NIPSNAP2: variants seen among roughly 807,000 people sequenced by gnomAD.
NIPSNAP2 encodes the protein protein NipSnap homolog 2.
In NIPSNAP2, 42 loss-of-function variants were observed where a neutral mutation model predicts 48.4. The ratio of observed to expected loss-of-function variants is 0.87; its 90% CI spans 0.68 to 1.12. NIPSNAP2 has a LOEUF of 1.12. Among genes scored for constraint, NIPSNAP2 ranks in the 50% most tolerant of loss-of-function variants. The pLI is 0.00. For missense variants in NIPSNAP2, 314 were observed against 347.3 expected, an observed-to-expected ratio of 0.90 and a Z score of 0.76; for synonymous variants, 158 against 126.6, an observed-to-expected ratio of 1.25 and a Z score of -1.67.
intron 7 of NIPSNAP2, among the ~76,000 whole-genome samples, chr7:55,990,988 G>C (rs575578545): frequency 1.3e-3 from 191 of 151,896 alleles, no homozygotes; most frequent in African/African-American, 4.5e-3. Context: ...ACAGAGTTTC[G>C]CCATGTTGGC....
chr7:55,992,271 C>T (rs778878930), intron 7 of NIPSNAP2, among the ~76,000 whole-genome samples: 14 of 151,932 alleles, frequency 9.2e-5, no homozygotes, highest in Non-Finnish European at 1.9e-4. Context: ...CCCAGGAGTT[C>T]GAGACCAGCC....
intron 1 of NIPSNAP2, among the ~76,000 whole-genome samples, chr7:55,968,865 A>AAACTACAACATTTAGCAGGGT (rs1326108021): frequency 2.6e-5 from 4 of 152,046 alleles, no homozygotes; most frequent in Admixed American, 1.3e-4. Context: ...GTCTCTACTA[A>AAACTACAACATTTAGCAGGGT]AACTACAACA....
intron 7 of NIPSNAP2, among the ~76,000 whole-genome samples, chr7:55,986,520 C>T (rs1003734110): frequency 2.0e-5 from 3 of 151,470 alleles, no homozygotes; most frequent in African/African-American, 4.9e-5. Context: ...AAATTAGCCA[C>T]GTATGGCGGT....
At chr7:55,969,724 C>A (rs934935631) in intron 1 of NIPSNAP2, among the ~76,000 whole-genome samples, 1 of 152,152 alleles carries the variant, frequency 6.6e-6, no homozygotes, top group Non-Finnish European at 1.5e-5. Context: ...TGGCTCACGC[C>A]TGTAATCCCA....
intron 7 of NIPSNAP2, among the ~76,000 whole-genome samples, chr7:55,992,268 G>A (rs1230258652): frequency 1.3e-5 from 2 of 152,088 alleles, no homozygotes; most frequent in Non-Finnish European, 2.9e-5. Context: ...GAGCCCAGGA[G>A]TTCGAGACCA....
chr7:55,992,440 A>T (rs1787473416), intron 7 of NIPSNAP2, among the ~76,000 whole-genome samples: 2 of 152,174 alleles, frequency 1.3e-5, no homozygotes, highest in South Asian at 4.1e-4. Context: ...CAGTCAGCTA[A>T]GATCATGCCA....
intron 3 of NIPSNAP2, chr7:55,979,927 C>G (rs1289345884): frequency 4.5e-6 from 2 of 446,438 alleles, no homozygotes; most frequent in Non-Finnish European, 9.0e-6. Context: ...GGGTCCCCAG[C>G]AAAGAGGAGT....
At chr7:55,972,345 C>G (rs1434611055) in intron 1 of NIPSNAP2, among the ~76,000 whole-genome samples, 2 of 151,486 alleles carry the variant, frequency 1.3e-5, no homozygotes, top group East Asian at 3.9e-4. Flanking sequence ...TACATAGTCC[C>G]ATAAACAAAT....
In NIPSNAP2 at chr7:55,984,932, G is replaced by C; in HGVS notation, c.617+54G>C. The C allele has an allele frequency of 2.8e-6, 4 of 1,415,366 alleles. 1 individual carries two copies. The Admixed American group carries it at 5.7e-5, about 20-fold the overall frequency. The allele number at this position is 1,415,366 out of a possible 1,614,324, so 87.7% of individuals were successfully genotyped here. A position where few individuals can be genotyped will look rare whatever the true frequency, so the allele number is the denominator to read the frequency against. ...TAAGTCTTGTGAATAGATTAGTTTA[G>C]GCCATAGTGTTAATTCTAGGGAAAA... On this transcript the variant is annotated intron_variant, in intron 7 of 9. Transcript: ENST00000322090.
chr7:55,994,797 A>G (rs1207839778), intron 7 of NIPSNAP2, 97 bp from the exon 8 acceptor site: 5 of 973,448 alleles, frequency 5.1e-6, no homozygotes, highest in Non-Finnish European at 8.2e-6. Context: ...TCTTCATTTT[A>G]AACAGCCTGC....
rs916486849 is a variant in NIPSNAP2, at chr7:55,965,847, C to T, written c.92+1146C>T. On this transcript the variant is annotated intron_variant, in intron 1 of 9. Coordinates refer to ENST00000322090, the MANE Select transcript of NIPSNAP2 (RefSeq NM_001483.3). ...CCACCTGCCGCGGCCTCCCAAAGTG[C>T]AGGGATTACAGTCGTGAATCACCAG... Among the ~76,000 whole-genome samples, 25 of 152,258 alleles carry T rather than the reference C, an allele frequency of 1.6e-4. No individual in the cohort carries two copies. The East Asian group carries it at 2.1e-3, about 13-fold the overall frequency.
chr7:55,971,121 T>TTG (rs1787008600), intron 1 of NIPSNAP2, among the ~76,000 whole-genome samples: 1 of 152,192 alleles, frequency 6.6e-6, no homozygotes, highest in Non-Finnish European at 1.5e-5. Context: ...ATCTTGGCGA[T>TTG]TGTCACTGTC....
At chr7:55,991,363 A>G (rs534831314) in intron 7 of NIPSNAP2, among the ~76,000 whole-genome samples, 32 of 152,250 alleles carry the variant, frequency 2.1e-4, no homozygotes, top group Middle Eastern at 3.4e-3. Context: ...ACGGAATAGG[A>G]TTACTCACTA....
At chr7:55,984,778 GC>G (rs1355610322) in intron 6 of NIPSNAP2, 68 bp from the exon 7 acceptor site, 1 of 1,247,392 alleles carries the variant, frequency 8.0e-7, no homozygotes, top group Non-Finnish European at 1.2e-6. Context: ...TTTTTCTACT[GC>G]TGTTTGCTAT....
chr7:55,982,745 C>G (rs1787240600), intron 5 of NIPSNAP2, among the ~76,000 whole-genome samples: 1 of 141,722 alleles, frequency 7.1e-6, no homozygotes, highest in Admixed American at 7.4e-5. Context: ...GAGCAAGACT[C>G]TGTCTCAAAA....
intron 9 of NIPSNAP2, among the ~76,000 whole-genome samples, chr7:55,998,356 C>T (rs1341445640): frequency 6.6e-6 from 1 of 151,864 alleles, no homozygotes; most frequent in Non-Finnish European, 1.5e-5. Context: ...GATTATATAA[C>T]ATATAATTAC....
intron 1 of NIPSNAP2, among the ~76,000 whole-genome samples, chr7:55,977,399 T>A (rs534890114): frequency 1.3e-3 from 190 of 151,704 alleles, no homozygotes; most frequent in African/African-American, 3.6e-3. Flanking sequence ...TAAAAAAAAA[T>A]TTTTTTTTGA....
In NIPSNAP2 at chr7:55,974,266, AAGAAAG is replaced by A. The variant is rs758697680; in HGVS notation, c.93-3858_93-3853del. 1.9e-3 allele frequency among the ~76,000 whole-genome samples: 189 copies of A among 99,638 alleles called. 2 individuals carry two copies. The highest frequency in any genetic ancestry group is 6.9e-3 in the South Asian group (24 of 3,472). The allele number at this position is 99,638 out of a possible 152,430, so 65.4% of individuals were successfully genotyped here. A position where few individuals can be genotyped will look rare whatever the true frequency, so the allele number is the denominator to read the frequency against. On this transcript the variant is annotated intron_variant, in intron 1 of 9. Coordinates refer to ENST00000322090, the MANE Select transcript of NIPSNAP2 (RefSeq NM_001483.3). ...CAAACTGATTTTTTAAGCAAAAAAA[AAGAAAG>A]AAAGAAAGAAAGAAAAAGGCTGCCA...
chr7:55,990,947 C>T (rs1373401787), intron 7 of NIPSNAP2, among the ~76,000 whole-genome samples: 3 of 151,988 alleles, frequency 2.0e-5, no homozygotes, highest in Admixed American at 6.6e-5. Flanking sequence ...ACCGCCACAC[C>T]TGGCTAATAT....
Sources: allele counts gnomAD v4.1 joint callset (sites outside exome capture counted in the v4.1 genomes callset), GRCh38; gene constraint gnomAD v4.1.1; transcripts MANE v1.5; gene names NCBI Gene and HGNC (gene_info 2026-07-23, HGNC 2026-07-21).